The following TTC39C variants were observed in gnomAD, a reference collection of about 807,000 sequenced individuals.
The protein encoded by TTC39C is tetratricopeptide repeat protein 39C.
In TTC39C, 33 loss-of-function variants were observed where a neutral mutation model predicts 76.3. That is an observed-to-expected ratio of 0.43 (90% confidence interval 0.33 to 0.58). TTC39C has a LOEUF of 0.58. TTC39C is among the 20% of genes least tolerant of loss of function. The probability of loss-of-function intolerance (pLI) is 0.04; values close to 1 mark genes in which losing one functional copy is unlikely to be tolerated. For missense variants in TTC39C, 595 were observed against 701.4 expected (o/e 0.85, Z 1.71); for synonymous variants, 254 against 260.6 (o/e 0.97, Z 0.24).
chr18:24,123,569 G>C, intron 8 of TTC39C: 1 of 278,942 alleles, frequency 3.6e-6, no homozygotes, highest in Non-Finnish European at 6.7e-6. Flanking sequence ...ACCACGCCTG[G>C]CTTATTTTTG....
At chr18:24,055,757 A>T (rs960369960) in intron 1 of TTC39C, among the ~76,000 whole-genome samples, 5 of 152,116 alleles carry the variant, frequency 3.3e-5, no homozygotes, top group Admixed American at 6.6e-5. Flanking sequence ...AGTTCCATTT[A>T]TATACTTTCA....
At chr18:23,997,435 C>T (rs1193483726) in intron 1 of TTC39C, among the ~76,000 whole-genome samples, 1 of 151,170 alleles carries the variant, frequency 6.6e-6, no homozygotes, top group Non-Finnish European at 1.5e-5. Context: ...CCTGTAATCC[C>T]AGCTACTCAG....
At chr18:24,001,475 T>A (rs913177900) in intron 1 of TTC39C, 1 of 152,284 alleles carries the variant, frequency 6.6e-6, no homozygotes, top group African/African-American at 2.4e-5. Context: ...CTCTCCCATC[T>A]CCTTTCTCTC....
rs138954928 is a variant in TTC39C, at chr18:24,053,745, G to C, written c.168-10395G>C. Among the ~76,000 whole-genome samples, 3 of 152,314 alleles carry C rather than the reference G, an allele frequency of 2.0e-5. No homozygotes were observed. In the East Asian group the frequency reaches 5.8e-4, roughly 29 times the overall value. ...ACAGACTATGTGGGGGCTACATTCAGACCATCAGGTCTCCTGTGAAATTGG... is the reference window on the plus strand; with the variant it reads ...ACAGACTATGTGGGGGCTACATTCACACCATCAGGTCTCCTGTGAAATTGG... On this transcript the variant is annotated intron_variant, in intron 1 of 13. Transcript: ENST00000317571.
intron 1 of TTC39C, among the ~76,000 whole-genome samples, chr18:24,046,448 T>C (rs138144759): frequency 6.6e-6 from 1 of 152,028 alleles, no homozygotes; most frequent in Non-Finnish European, 1.5e-5. Context: ...TGAGAGTTTG[T>C]CTATCTTGCT....
intron 1 of TTC39C, chr18:24,022,443 T>G: frequency 7.4e-6 from 3 of 406,010 alleles, no homozygotes; most frequent in Non-Finnish European, 1.0e-5. Context: ...GTGGCCCAAC[T>G]CGGGTCTCGC....
chr18:24,117,363 AT>A (rs1224589518), intron 7 of TTC39C, among the ~76,000 whole-genome samples: 1 of 152,148 alleles, frequency 6.6e-6, no homozygotes, highest in African/African-American at 2.4e-5. Flanking sequence ...AGGTAGGGAA[AT>A]GCCTAATTTC....
At chr18:24,028,380 C>T (rs2083623194) in intron 1 of TTC39C, among the ~76,000 whole-genome samples, 1 of 152,070 alleles carries the variant, frequency 6.6e-6, no homozygotes, top group Admixed American at 6.5e-5. Context: ...GTAGTTGAGG[C>T]TAACTTGAAA....
chr18:24,117,147 G>C (rs909526040), intron 7 of TTC39C, among the ~76,000 whole-genome samples: 1 of 152,082 alleles, frequency 6.6e-6, no homozygotes, highest in African/African-American at 2.4e-5. Flanking sequence ...CCCTTTGCAA[G>C]GTTGTCATAA....
chr18:24,030,957 T>G (rs2083661608), intron 1 of TTC39C, among the ~76,000 whole-genome samples: 2 of 148,076 alleles, frequency 1.4e-5, no homozygotes, highest in South Asian at 4.3e-4. Context: ...TTTGTTTTTG[T>G]TTTTGAGACA....
At chr18:24,064,081 A>G in intron 1 of TTC39C, 59 bp from the exon 2 acceptor site, 1 of 1,602,500 alleles carries the variant, frequency 6.2e-7, no homozygotes, top group Non-Finnish European at 8.5e-7. Context: ...TGCTTTTAAA[A>G]TAAAATTTTA....
At chr18:24,025,299 T>C (rs2083586495) in intron 1 of TTC39C, among the ~76,000 whole-genome samples, 1 of 152,266 alleles carries the variant, frequency 6.6e-6, no homozygotes, top group African/African-American at 2.4e-5. Flanking sequence ...TTCATGTATC[T>C]TCAATAATTT....
chr18:24,049,632 C>T (rs1363030534), intron 1 of TTC39C, among the ~76,000 whole-genome samples: 2 of 152,110 alleles, frequency 1.3e-5, no homozygotes, highest in Non-Finnish European at 2.9e-5. Context: ...CCCGAGGGAC[C>T]AGGAAGAGTG....
intron 4 of TTC39C, among the ~76,000 whole-genome samples, chr18:24,079,759 T>C (rs1368501827): frequency 6.6e-6 from 1 of 151,956 alleles, no homozygotes; most frequent in African/African-American, 2.4e-5. Flanking sequence ...TTTATTTTTT[T>C]TTGGCAAGAC....
chr18:24,023,807 T>A (rs2083544129), intron 1 of TTC39C, among the ~76,000 whole-genome samples: 1 of 26,720 alleles, frequency 3.7e-5, no homozygotes, highest in Non-Finnish European at 1.0e-4. Context: ...AATGCCCCCT[T>A]TTGCTAACAA....
intron 1 of TTC39C, among the ~76,000 whole-genome samples, chr18:24,063,360 C>A (rs2084122531): frequency 1.3e-5 from 2 of 152,144 alleles, no homozygotes; most frequent in Admixed American, 6.5e-5. Flanking sequence ...CTTTGATCTA[C>A]TCTAGAAACT....
chr18:24,105,400 C>T (rs924972408), intron 6 of TTC39C, among the ~76,000 whole-genome samples: 3 of 152,148 alleles, frequency 2.0e-5, no homozygotes, highest in Non-Finnish European at 1.5e-5. Flanking sequence ...GGCTGATCAT[C>T]GGGTATTTAT....
In TTC39C at chr18:24,034,975, T is replaced by C. The variant is rs566124632; in HGVS notation, c.167+19937T>C. On this transcript the variant is annotated intron_variant, in intron 1 of 13. Transcript: ENST00000317571. ...ATCTGAGCTCCTGCTTTCAGTTTTTTCGGGTATATACCCAGAAGTGGAATT... is the reference window on the plus strand; with the variant it reads ...ATCTGAGCTCCTGCTTTCAGTTTTTCCGGGTATATACCCAGAAGTGGAATT... Among the ~76,000 whole-genome samples the C allele has an allele frequency of 3.3e-5, 5 of 152,354 alleles. 1 individual carries two copies. The South Asian group carries it at 1.0e-3, about 32-fold the overall frequency.
chr18:24,088,460 G>A (rs1465246561), intron 6 of TTC39C, among the ~76,000 whole-genome samples: 1 of 152,212 alleles, frequency 6.6e-6, no homozygotes, highest in African/African-American at 2.4e-5. Context: ...TCTGTAGGGA[G>A]TCAAGAATGG....
Sources: gnomAD v4.1 joint callset for allele counts (sites outside exome capture counted in the v4.1 genomes callset) on GRCh38, gnomAD v4.1.1 for gene constraint, MANE v1.5 for transcripts, NCBI Gene and HGNC (gene_info 2026-07-23, HGNC 2026-07-21) for gene names.